DOCK3: variants seen among roughly 807,000 people sequenced by gnomAD.
DOCK3 encodes the protein dedicator of cytokinesis protein 3.
DOCK3 carries 60 observed loss-of-function variants against 265.6 expected under a neutral mutation model. The observed-to-expected ratio is 0.23, with a 90% CI of 0.18 to 0.28. DOCK3 has a LOEUF of 0.28. DOCK3 is among the 10% of genes least tolerant of loss of function. The probability of loss-of-function intolerance (pLI) is 1.00; values close to 1 mark genes in which losing one functional copy is unlikely to be tolerated. For missense variants in DOCK3, 1,981 were observed against 2,594.3 expected, an observed-to-expected ratio of 0.76 and a Z score of 5.14; for synonymous variants, 881 against 938.0, an observed-to-expected ratio of 0.94 and a Z score of 1.11.
At chr3:51,215,358 A>G (rs978341085) in intron 14 of DOCK3, among the ~76,000 whole-genome samples, 3 of 152,128 alleles carry the variant, frequency 2.0e-5, no homozygotes, top group Non-Finnish European at 4.4e-5. Flanking sequence ...CAGTACTGGC[A>G]TACTGGTCTT....
At chr3:51,373,546 G>A (rs2087848398) in intron 49 of DOCK3, among the ~76,000 whole-genome samples, 1 of 152,186 alleles carries the variant, frequency 6.6e-6, no homozygotes, top group Admixed American at 6.5e-5. Context: ...TATTGCTTCT[G>A]TGGAAGATCT....
intron 27 of DOCK3, among the ~76,000 whole-genome samples, chr3:51,309,612 G>GGAGAGGGAGAGC (rs1184231909): frequency 7.2e-6 from 1 of 139,472 alleles, no homozygotes; most frequent in African/African-American, 2.8e-5. Context: ...AGAGGGAGAG[G>GGAGAGGGAGAGC]GAGAGGGAGA....
At chr3:50,862,736 C>G (rs1575388805) in intron 3 of DOCK3, among the ~76,000 whole-genome samples, 1 of 152,288 alleles carries the variant, frequency 6.6e-6, no homozygotes, top group South Asian at 2.1e-4. Context: ...CCCCCTAATC[C>G]AGAGCAGGCA....
In DOCK3 at chr3:51,381,364, C is replaced by T. The variant is rs1340722879; in HGVS notation, c.5898C>T (p.Asp1966=). ...CCCCAGGGTGCGTCATCCCTCAGGA[C>T]CCCATGGACCCGCCTGCGCTGCCGC... ...HSAPGCVIPQ[D]PMDPPALPPK... is the part of the protein sequence containing the mutation. Residue 1966 remains aspartate, a synonymous_variant, in exon 53 of 53, where the codon GAC becomes GAT. Coordinates refer to ENST00000266037, the MANE Select transcript of DOCK3 (RefSeq NM_004947.5). The surrounding 1 kb of genome is among the most constrained non-coding windows in gnomAD (Gnocchi z 5.6). 4.3e-6 allele frequency: 7 copies of T among 1,612,940 alleles called. No individual in the cohort carries two copies. Among genetic ancestry groups the T allele is most frequent in the Non-Finnish European group, 5.9e-6 (7 of 1,179,840 alleles).
intron 5 of DOCK3, among the ~76,000 whole-genome samples, chr3:51,016,626 TAA>T (rs1491314952): frequency 7.2e-5 from 3 of 41,596 alleles, no homozygotes; most frequent in East Asian, 9.8e-4. Flanking sequence ...TTTATATATA[TAA>T]TATATATGAT....
intron 1 of DOCK3, among the ~76,000 whole-genome samples, chr3:50,718,343 T>A (rs1023586291): frequency 6.6e-6 from 1 of 152,234 alleles, no homozygotes; most frequent in Admixed American, 6.5e-5. Context: ...TTTTATACTT[T>A]ATTCTCTAAG....
intron 9 of DOCK3, among the ~76,000 whole-genome samples, chr3:51,093,694 T>G (rs1017291500): frequency 1.3e-5 from 2 of 152,190 alleles, no homozygotes; most frequent in African/African-American, 4.8e-5. Context: ...TGGCCAGAAC[T>G]TCTAATACTA....
At chr3:51,102,793 A>T (rs2083137804) in intron 9 of DOCK3, among the ~76,000 whole-genome samples, 1 of 152,254 alleles carries the variant, frequency 6.6e-6, no homozygotes, top group African/African-American at 2.4e-5. Flanking sequence ...TATAAAATAT[A>T]TACAATTATG....
chr3:51,254,785 T>G (rs948132410), intron 22 of DOCK3, among the ~76,000 whole-genome samples: 43 of 152,190 alleles, frequency 2.8e-4, no homozygotes, highest in African/African-American at 9.4e-4. Flanking sequence ...TGGTTCTCCT[T>G]AATACAGCAC....
intron 1 of DOCK3, among the ~76,000 whole-genome samples, chr3:50,707,603 G>C (rs2036497647): frequency 6.6e-6 from 1 of 152,152 alleles, no homozygotes; most frequent in Non-Finnish European, 1.5e-5. Flanking sequence ...GTGAGTCTTT[G>C]GTGGGGATGG....
At position 50,678,699 on chromosome 3, in the gene DOCK3, C is replaced by T. The variant is rs142841693; in HGVS notation, c.37+3399C>T. 1.7e-3 allele frequency among the ~76,000 whole-genome samples: 255 copies of T among 151,586 alleles called. 1 individual carries two copies. The highest frequency in any genetic ancestry group is 5.7e-3 in the African/African-American group (234 of 41,298). On this transcript the variant is annotated intron_variant, in intron 1 of 52. Coordinates refer to ENST00000266037, the MANE Select transcript of DOCK3 (RefSeq NM_004947.5). ...TCTTGTCATCCAGGCTGGAGTGCAGCGGCATGATCATAGCTTACTGCAGCC... is the reference window on the plus strand; with the variant it reads ...TCTTGTCATCCAGGCTGGAGTGCAGTGGCATGATCATAGCTTACTGCAGCC...
chr3:51,189,565 A>G (rs1471234252), intron 12 of DOCK3, among the ~76,000 whole-genome samples: 1 of 152,190 alleles, frequency 6.6e-6, no homozygotes, highest in Non-Finnish European at 1.5e-5. Context: ...CTTTAGCTCT[A>G]TCCAAGTTTC....
intron 9 of DOCK3, among the ~76,000 whole-genome samples, chr3:51,136,897 C>T (rs1433674741): frequency 6.6e-6 from 1 of 152,052 alleles, no homozygotes; most frequent in East Asian, 1.9e-4. Flanking sequence ...AGAAAATCTG[C>T]TTCTTAATTT....
At chr3:50,748,376 C>T (rs1047164066) in intron 1 of DOCK3, among the ~76,000 whole-genome samples, 7 of 152,060 alleles carry the variant, frequency 4.6e-5, no homozygotes, top group African/African-American at 1.7e-4. Flanking sequence ...AGTGAGTTCC[C>T]ACAGTGAATA....
At chr3:51,316,571 G>A (rs963493836) in intron 32 of DOCK3, among the ~76,000 whole-genome samples, 16 of 152,192 alleles carry the variant, frequency 1.1e-4, no homozygotes, top group African/African-American at 3.4e-4. Flanking sequence ...ATACCATTTT[G>A]AAGTCTCAGC....
At chr3:51,024,707 GCTC>G (rs1386651902) in intron 5 of DOCK3, among the ~76,000 whole-genome samples, 1 of 152,340 alleles carries the variant, frequency 6.6e-6, no homozygotes, top group East Asian at 1.9e-4. Flanking sequence ...TCTGGGCAGT[GCTC>G]CTCCTGTGGG....
chr3:51,329,864 G>A (rs1053676614), intron 32 of DOCK3, among the ~76,000 whole-genome samples: 1 of 152,186 alleles, frequency 6.6e-6, no homozygotes, highest in Non-Finnish European at 1.5e-5. Flanking sequence ...TCTCTGTAGG[G>A]AATCCTTGCC....
intron 2 of DOCK3, among the ~76,000 whole-genome samples, chr3:50,810,712 G>A (rs553852066): frequency 6.6e-6 from 1 of 152,030 alleles, no homozygotes; most frequent in South Asian, 2.1e-4. Context: ...AAATAAAAGA[G>A]CCCAAATAGA....
chr3:51,362,617 A>C lies in DOCK3; in HGVS notation c.5236A>C (p.Ser1746Arg). The C allele has an allele frequency of 6.2e-7, 1 of 1,613,926 alleles. No homozygotes were observed. The highest frequency in any genetic ancestry group is 1.3e-5 in the African/African-American group (1 of 75,020). ...SQASPSSSSL[S>R]STHSAPSQMI... ...GGCAAGCCCTTCTTCCTCCAGCCTG[A>C]GTTCCACTCACTCAGCACCATCCCA... Residue 1746 changes from serine to arginine, a missense_variant, in exon 49 of 53, where the codon AGT (serine) becomes CGT (arginine). Around this residue, in one of 4 missense-constraint regions of DOCK3, gnomAD observed 1,357 missense variants for 1,866.8 expected, o/e 0.73. Coordinates refer to ENST00000266037, the MANE Select transcript of DOCK3 (RefSeq NM_004947.5).
Sources: allele counts gnomAD v4.1 joint callset (sites outside exome capture counted in the v4.1 genomes callset), GRCh38; gene constraint gnomAD v4.1.1; regional missense constraint gnomAD v4.1.1; non-coding constraint Gnocchi (gnomAD v3.1); transcripts MANE v1.5; gene names NCBI Gene and HGNC (gene_info 2026-07-23, HGNC 2026-07-21).